AGO2: variants seen among roughly 807,000 people sequenced by gnomAD.
AGO2 encodes protein argonaute-2.
Under a neutral mutation model 102.3 loss-of-function variants are expected in AGO2, and 5 were observed. The ratio of observed to expected loss-of-function variants is 0.05; its 90% CI spans 0.03 to 0.10. AGO2 has a LOEUF of 0.10. Ranked by LOEUF, AGO2 falls within the 10% of genes least tolerant of loss-of-function variation. The pLI is 1.00. For missense variants in AGO2, 541 were observed against 1,183.7 expected, an observed-to-expected ratio of 0.46 and a Z score of 7.97; for synonymous variants, 449 against 473.1, an observed-to-expected ratio of 0.95 and a Z score of 0.66.
rs947676674 is a variant in AGO2, at chr8:140,531,119, C to G, written c.*925G>C. 2 of 152,406 alleles carry G rather than the reference C, an allele frequency of 1.3e-5. No individual in the cohort carries two copies. The highest frequency in any genetic ancestry group is 4.8e-5 in the African/African-American group (2 of 41,402). 9.4% of individuals were successfully genotyped at this position (152,406 alleles called of 1,614,324 possible). On this transcript the variant is annotated 3_prime_UTR_variant, in exon 19 of 19. Transcript: ENST00000220592. ...TATGCCAAACAGATCACAGAAGCAC[C>G]CCATAGTCAATAAAATGAAAAAACA...
intron 3 of AGO2, among the ~76,000 whole-genome samples, chr8:140,570,919 C>A (rs759857058): frequency 6.6e-6 from 1 of 152,194 alleles, no homozygotes; most frequent in Non-Finnish European, 1.5e-5. Flanking sequence ...TACCCTGATG[C>A]CCGCCTTGTG....
chr8:140,540,472 G>A lies in AGO2; in HGVS notation c.2034+692C>T, dbSNP rs918716789. On this transcript the variant is annotated intron_variant, in intron 15 of 18. Transcript: ENST00000220592. This position sits in a 1 kb window ranked among gnomAD's most constrained non-coding sequence, Gnocchi z 5.0. ...TGGGGAGGAATCGGCTCTAGCCAAC[G>A]GGAGAAACATTCAGGGCACCCATCG... 6.6e-5 allele frequency among the ~76,000 whole-genome samples: 10 copies of A among 152,212 alleles called. No homozygotes were observed. The highest frequency in any genetic ancestry group is 1.4e-4 in the African/African-American group (6 of 41,464).
rs1170979226 is a variant in AGO2 at position 140,529,179 on chromosome 8, C to A, written c.*2865G>T. On this transcript the variant is annotated 3_prime_UTR_variant, in exon 19 of 19. Transcript: ENST00000220592. ...CGAGTGGGCACCCCTCAAATCTTGA[C>A]AGGCCCAGGGGGGCAGCAGTGGACA... 4 of 152,240 alleles carry A rather than the reference C, an allele frequency of 2.6e-5. No individual in the cohort carries two copies. Among genetic ancestry groups the A allele is most frequent in the African/African-American group, 9.6e-5 (4 of 41,462 alleles). The allele number at this position is 152,240 out of a possible 1,614,324, so 9.4% of individuals were successfully genotyped here.
Position 140,522,308 on chromosome 8 carries a change from T to G in AGO2, c.*9736A>C, listed in dbSNP as rs1223318486. On this transcript the variant is annotated 3_prime_UTR_variant, in exon 19 of 19. Transcript: ENST00000220592. ...CAGACTTAGTAATAGCACCCAACTG[T>G]TTAACTGAGGTAGATCCACATTGTA... 1.3e-5 allele frequency: 2 copies of G among 152,208 alleles called. No homozygotes were observed. Among genetic ancestry groups the G allele is most frequent in the Non-Finnish European group, 1.5e-5 (1 of 68,044 alleles). The allele number at this position is 152,208 out of a possible 1,614,324, so 9.4% of individuals were successfully genotyped here.
chr8:140,593,550 TAAAA>T (rs201599088), intron 1 of AGO2, among the ~76,000 whole-genome samples: 36 of 135,414 alleles, frequency 2.7e-4, no homozygotes, highest in Admixed American at 3.1e-4. Flanking sequence ...CTAGGAAAGT[TAAAA>T]AAAAAAAAAA....
intron 1 of AGO2, among the ~76,000 whole-genome samples, chr8:140,610,148 T>G (rs1238081270): frequency 6.6e-6 from 1 of 151,362 alleles, no homozygotes; most frequent in Non-Finnish European, 1.5e-5. Context: ...GAGGCTGCAG[T>G]GGGCTATGAT....
chr8:140,625,727 C>A (rs1219229415), intron 1 of AGO2, among the ~76,000 whole-genome samples: 1 of 152,208 alleles, frequency 6.6e-6, no homozygotes, highest in South Asian at 2.1e-4. Context: ...CCTGCCAGTC[C>A]TGGAATGGCC....
chr8:140,631,889 T>C (rs1002733795), intron 1 of AGO2, among the ~76,000 whole-genome samples: 1 of 152,286 alleles, frequency 6.6e-6, no homozygotes, highest in African/African-American at 2.4e-5. Context: ...AGAACCCTGA[T>C]GACTGCTAAA....
Position 140,539,596 on chromosome 8 carries a change from A to C in AGO2, c.2035-142T>G. On this transcript the variant is annotated intron_variant, in intron 15 of 18. Transcript: ENST00000220592. This position sits in a 1 kb window ranked among gnomAD's most constrained non-coding sequence, Gnocchi z 4.7. ...AGTGTGTTCACGGGGAGGTGAAAAC[A>C]CGGGGGCAGAAACCATCCTCTCTGC... is the stretch of plus-strand genomic sequence containing the variant. 2 of 980,752 alleles carry C rather than the reference A, an allele frequency of 2.0e-6. No individual in the cohort carries two copies. The highest frequency in any genetic ancestry group is 3.0e-6 in the Non-Finnish European group (2 of 676,080). 60.8% of individuals were successfully genotyped at this position (980,752 alleles called of 1,614,324 possible). A position where few individuals can be genotyped will look rare whatever the true frequency, so the allele number is the denominator to read the frequency against.
At chr8:140,587,902 G>A (rs1365284243) in intron 1 of AGO2, among the ~76,000 whole-genome samples, 1 of 152,168 alleles carries the variant, frequency 6.6e-6, no homozygotes, top group African/African-American at 2.4e-5. Context: ...CATTCACGGA[G>A]CAGGTCCTGG....
rs1282932511 is a variant in AGO2 at position 140,626,623 on chromosome 8, G to A, written c.22+8862C>T. ...GGTGAGGTGAGACACCCATCACGTG[G>A]CCAGGATTCCAGTGAGGTGGGCCTG... On this transcript the variant is annotated intron_variant, in intron 1 of 18. Coordinates refer to ENST00000220592, the MANE Select transcript of AGO2 (RefSeq NM_012154.5). The A allele has an allele frequency of 2.0e-5, 3 of 152,368 alleles. No homozygotes were observed. In the East Asian group the frequency reaches 5.8e-4, roughly 29 times the overall value. 9.4% of individuals were successfully genotyped at this position (152,368 alleles called of 1,614,324 possible).
At position 140,595,804 on chromosome 8, in the gene AGO2, C is replaced by T. The variant is rs189026017; in HGVS notation, c.23-10493G>A. On this transcript the variant is annotated intron_variant, in intron 1 of 18. Transcript: ENST00000220592. ...ATTGTATATACAATTATATTATATA[C>T]AATTGTATATATTATATTTATATTA... Among the ~76,000 whole-genome samples, 37 of 27,356 alleles carry T rather than the reference C, an allele frequency of 1.4e-3. 2 individuals are homozygous for T. Among genetic ancestry groups the T allele is most frequent in the Non-Finnish European group, 2.2e-3 (21 of 9,384 alleles). The allele number at this position is 27,356 out of a possible 152,430, so 17.9% of individuals were successfully genotyped here.
chr8:140,635,372 G>T, intron 1 of AGO2, 113 bp downstream of exon 1: 1 of 482,208 alleles, frequency 2.1e-6, no homozygotes, highest in African/African-American at 2.1e-5. Context: ...GGCCCCCGCC[G>T]CCCCGACCCC....
chr8:140,639,623 A>T (rs894663320), upstream of AGO2, among the ~76,000 whole-genome samples: 23 of 152,102 alleles, frequency 1.5e-4, no homozygotes, highest in African/African-American at 4.8e-4. Flanking sequence ...ATAAAAAAAA[A>T]TTAGCTGAAC....
chr8:140,615,252 A>G (rs1302031376), intron 1 of AGO2, among the ~76,000 whole-genome samples: 1 of 152,228 alleles, frequency 6.6e-6, no homozygotes, highest in African/African-American at 2.4e-5. Flanking sequence ...TCCTGTCTCA[A>G]AATAAAATAT....
Position 140,557,200 on chromosome 8 carries a change from C to T in AGO2, c.915G>A (p.Glu305=), listed in dbSNP as rs1405052366. Residue 305 remains glutamate (E), a synonymous_variant, in exon 8 of 19, where the codon GAG becomes GAA. Coordinates refer to ENST00000220592, the MANE Select transcript of AGO2 (RefSeq NM_012154.5). This position sits in a 1 kb window ranked among gnomAD's most constrained non-coding sequence, Gnocchi z 5.9. ...CCTTGAAATACTGGGCCACCGTGCACTCCACCGTCTGCCCGCTCTCCTGCT... is the reference window on the plus strand; with the variant it reads ...CCTTGAAATACTGGGCCACCGTGCATTCCACCGTCTGCCCGCTCTCCTGCT... ...PLQQESGQTV[E]CTVAQYFKDR... 1.2e-6 allele frequency: 2 copies of T among 1,614,050 alleles called. No homozygotes were observed. Among genetic ancestry groups the T allele is most frequent in the African/African-American group, 1.3e-5 (1 of 75,040 alleles).
chr8:140,572,036 A>C (rs939204446), intron 3 of AGO2: 3 of 152,136 alleles, frequency 2.0e-5, no homozygotes, highest in Non-Finnish European at 4.4e-5. Flanking sequence ...CCGGCCTGTA[A>C]AGATTATTTC....
At chr8:140,627,486 T>C (rs141667239) in intron 1 of AGO2, among the ~76,000 whole-genome samples, 89 of 152,290 alleles carry the variant, frequency 5.8e-4, no homozygotes, top group African/African-American at 1.7e-3. Flanking sequence ...AAAACAGAGC[T>C]GAAACACTCA....
rs980170869 is a variant in AGO2 at position 140,527,028 on chromosome 8, T to A, written c.*5016A>T. 8 of 151,694 alleles carry A rather than the reference T, an allele frequency of 5.3e-5. No homozygotes were observed. Among genetic ancestry groups the A allele is most frequent in the Admixed American group, 4.6e-4 (7 of 15,230 alleles). 9.4% of individuals were successfully genotyped at this position (151,694 alleles called of 1,614,324 possible). A position where few individuals can be genotyped will look rare whatever the true frequency, so the allele number is the denominator to read the frequency against. ...GCGTCCTAGTAGCAGGCGGAGCAGATGCCTCCCGTCTGGACTGTCCCAGGC... is the reference window on the plus strand; with the variant it reads ...GCGTCCTAGTAGCAGGCGGAGCAGAAGCCTCCCGTCTGGACTGTCCCAGGC... On this transcript the variant is annotated 3_prime_UTR_variant, in exon 19 of 19. Coordinates refer to ENST00000220592, the MANE Select transcript of AGO2 (RefSeq NM_012154.5). The surrounding 1 kb of genome is among the most constrained non-coding windows in gnomAD (Gnocchi z 6.0).
Sources: allele counts gnomAD v4.1 joint callset (sites outside exome capture counted in the v4.1 genomes callset), GRCh38; gene constraint gnomAD v4.1.1; non-coding constraint Gnocchi (gnomAD v3.1); transcripts MANE v1.5; gene names NCBI Gene and HGNC (gene_info 2026-07-23, HGNC 2026-07-21).